The following PLEC variants were observed in gnomAD, a reference collection of about 807,000 sequenced individuals.
PLEC encodes plectin.
Under a neutral mutation model 392.8 loss-of-function variants are expected in PLEC, and 216 were observed. That is an observed-to-expected ratio of 0.55 (90% CI 0.49 to 0.62). PLEC has a LOEUF of 0.62. PLEC is among the 20% of genes least tolerant of loss of function. The pLI is 0.00. For missense variants in PLEC, 6,863 were observed against 6,563.4 expected (o/e 1.05, Z -1.58); for synonymous variants, 3,621 against 2,980.6 (o/e 1.21, Z -7.00).
rs1821103233 is a variant in PLEC at position 143,917,938 on chromosome 8, G to C, written c.11883C>G (p.Gly3961=). Residue 3961 remains glycine, a synonymous_variant, in exon 32 of 32, where the codon GGC becomes GGG. Coordinates refer to ENST00000345136, the MANE Select transcript of PLEC (RefSeq NM_201384.3). The part of the protein sequence containing the change: ...QAMKKGIIRP[G]TAFELLEAQA... The stretch of plus-strand genomic sequence containing the variant: ...GCGCCTCCAGGAGCTCAAAGGCTGT[G>C]CCGGGGCGGATGATGCCCTTCTTCA... 5 of 1,612,898 alleles carry C rather than the reference G, an allele frequency of 3.1e-6. No individual in the cohort carries two copies. In the South Asian group the frequency reaches 5.5e-5, roughly 18 times the overall value.
chr8:143,946,474 G>GA, intron 1 of PLEC: 1 of 1,079,200 alleles, frequency 9.3e-7, no homozygotes, highest in East Asian at 6.1e-5. Context: ...GGGAGGCAGA[G>GA]GGAGGGCCCA....
intron 1 of PLEC, among the ~76,000 whole-genome samples, chr8:143,949,942 G>T (rs1554734616): frequency 1.3e-5 from 2 of 152,044 alleles, no homozygotes; most frequent in African/African-American, 4.8e-5. Context: ...GGTGTGCCTG[G>T]GCCACAGGCT....
At position 143,925,502 on chromosome 8, in the gene PLEC, T is replaced by C. The variant is rs781831332; in HGVS notation, c.4427A>G (p.Gln1476Arg). ...CTCCTCCGCCCGTGCACGCAGTGCC[T>C]GCAGCTCCCCCTCAGCCCCGCCACG... is the stretch of plus-strand genomic sequence containing the variant. ...RQRGGAEGEL[Q>R]ALRARAEEAE... The change falls in exon 31 of 32, where the codon CAG becomes CGG. Residue 1476 changes from glutamine (Q) to arginine (R), a missense_variant. Transcript: ENST00000345136. 2 of 1,596,002 alleles carry C rather than the reference T, an allele frequency of 1.3e-6. No homozygotes were observed. Among genetic ancestry groups the C allele is most frequent in the Admixed American group, 3.3e-5 (2 of 59,890 alleles).
At chr8:143,933,964 C>T in intron 12 of PLEC, 34 bp downstream of exon 12, 1 of 1,558,444 alleles carries the variant, frequency 6.4e-7, no homozygotes, top group South Asian at 1.1e-5. Flanking sequence ...CTCCGGCCTC[C>T]CTCCCGCCCA....
rs2132116751 is a variant in PLEC at position 143,935,830 on chromosome 8, G to C, written c.602+18C>G. 2 of 1,612,240 alleles carry C rather than the reference G, an allele frequency of 1.2e-6. No individual in the cohort carries two copies. Among genetic ancestry groups the C allele is most frequent in the East Asian group, 4.5e-5 (2 of 44,878 alleles). On this transcript the variant is annotated intron_variant, in intron 6 of 31. Transcript: ENST00000345136. ...GGGTGCCCCCAGCCCACAGCCCCCT[G>C]CCCCCGGGGCCATGTACTTGTGCCG...
At chr8:143,933,877 C>T in intron 12 of PLEC, 121 bp downstream of exon 12, 1 of 811,758 alleles carries the variant, frequency 1.2e-6, no homozygotes, top group Non-Finnish European at 2.0e-6. Context: ...ATGCCCCGCC[C>T]CTGCCCCTGC....
Position 143,919,137 on chromosome 8 carries a change from C to G in PLEC, c.10684G>C (p.Glu3562Gln), listed in dbSNP as rs1705985021. The G allele has an allele frequency of 6.2e-7, 1 of 1,613,306 alleles. No individual in the cohort carries two copies. Among genetic ancestry groups the G allele is most frequent in the Non-Finnish European group, 8.5e-7 (1 of 1,180,046 alleles). ...GTCTCTTCAAATGCCCTTCTTGTCT[C>G]CTCCTCAGTGTACACCTGCGTGGTC... is the stretch of plus-strand genomic sequence containing the variant. ...VETTQVYTEE[E>Q]TRRAFEETQI... is the part of the protein sequence containing the mutation. Residue 3562 changes from glutamate to glutamine, a missense_variant, in exon 32 of 32, where the codon GAG (glutamate) becomes CAG (glutamine). Transcript: ENST00000345136.
chr8:143,950,669 C>T (rs1188314372), exon 1 of PLEC: 5 of 1,577,618 alleles, frequency 3.2e-6, no homozygotes, highest in Admixed American at 1.8e-5. Flanking sequence ...ATAGATGGCC[C>T]GCAGCTGGTC....
At position 143,927,851 on chromosome 8, in the gene PLEC, T is replaced by A; in HGVS notation, c.3399+3A>T. 1 of 1,591,328 alleles carries A rather than the reference T, an allele frequency of 6.3e-7. No individual in the cohort carries two copies. Among genetic ancestry groups the A allele is most frequent in the Non-Finnish European group, 8.6e-7 (1 of 1,169,502 alleles). On this transcript the variant is annotated splice_donor_region_variant and intron_variant, in intron 26 of 31. Transcript: ENST00000345136. ...CCATGAAGCCCAAGCCTCGAAACGA[T>A]ACCTTCAGAGAGGCCTTGGTGGCCT...
intron 18 of PLEC, 111 bp downstream of exon 18, chr8:143,931,826 G>A: frequency 1.4e-6 from 2 of 1,423,130 alleles, no homozygotes; most frequent in Non-Finnish European, 1.9e-6. Flanking sequence ...GCAGGCAGCA[G>A]CTGGCAACGT....
At position 143,929,611 on chromosome 8, in the gene PLEC, A is replaced by G. The variant is rs782166901; in HGVS notation, c.2923+35T>C. The stretch of plus-strand genomic sequence containing the variant: ...TGGGTCACTCCACCGCCCACCTCGC[A>G]CCAGCCCAACCGCCCCAGCCCTGCC... On this transcript the variant is annotated intron_variant, in intron 23 of 31. Coordinates refer to ENST00000345136, the MANE Select transcript of PLEC (RefSeq NM_201384.3). 3.7e-6 allele frequency: 6 copies of G among 1,609,458 alleles called. No homozygotes were observed. The Admixed American group carries it at 5.0e-5, about 13-fold the overall frequency.
chr8:143,929,368 G>A, intron 24 of PLEC, 46 bp downstream of exon 24: 1 of 1,570,154 alleles, frequency 6.4e-7, no homozygotes, highest in Non-Finnish European at 8.6e-7. Flanking sequence ...GGTGGGAGGA[G>A]GGATGGGGAG....
chr8:143,916,882 C>T lies in PLEC; in HGVS notation c.12939G>A (p.Glu4313=). 6.2e-6 allele frequency: 10 copies of T among 1,612,612 alleles called. No individual in the cohort carries two copies. The highest frequency in any genetic ancestry group is 8.5e-6 in the Non-Finnish European group (10 of 1,179,786). ...VDNITGQRLL[E]AQACTGGIID... is the part of the protein sequence containing the mutation. ...TGATGCCCCCGGTGCAGGCCTGCGC[C>T]TCCAGCAGCCGCTGCCCCGTGATGT... Residue 4313 remains glutamate, a synonymous_variant, in exon 32 of 32, where the codon GAG becomes GAA. Coordinates refer to ENST00000345136, the MANE Select transcript of PLEC (RefSeq NM_201384.3).
chr8:143,937,343 C>G (rs1367873153), intron 3 of PLEC, 101 bp from the exon 4 acceptor site: 1 of 861,078 alleles, frequency 1.2e-6, no homozygotes, highest in Admixed American at 1.9e-5. Flanking sequence ...AAGGGTCTTC[C>G]CCAGGGGGCA....
chr8:143,964,548 G>A (rs903728052), intron 1 of PLEC, among the ~76,000 whole-genome samples: 21 of 152,298 alleles, frequency 1.4e-4, no homozygotes, highest in Admixed American at 1.0e-3. Flanking sequence ...TGGAGCCTCC[G>A]AAGGAGCGTG....
chr8:143,931,669 C>T lies in PLEC; in HGVS notation c.2179-10G>A, dbSNP rs199830463. The T allele has an allele frequency of 3.3e-5, 53 of 1,596,076 alleles. No homozygotes were observed. The highest frequency in any genetic ancestry group is 2.5e-4 in the East Asian group (11 of 44,210). ...GCACATCTGAGAAGAACTGGGGCAG[C>T]GGGAGGGGGTCACGCCAGGCTACCT... On this transcript the variant is annotated splice_polypyrimidine_tract_variant and intron_variant, in intron 18 of 31. Transcript: ENST00000345136.
chr8:143,938,245 G>A lies in PLEC; in HGVS notation c.175-5C>T, dbSNP rs1554725259. Reference sequence around the variant, plus strand: ...GTCACTGATGTGCCTCTGGGCCTGTGGGGACAGCAGCGGCTGAGGTGGCCA... The same window carrying A: ...GTCACTGATGTGCCTCTGGGCCTGTAGGGACAGCAGCGGCTGAGGTGGCCA... On this transcript the variant is annotated splice_region_variant and splice_polypyrimidine_tract_variant and intron_variant, in intron 2 of 31. Coordinates refer to ENST00000345136, the MANE Select transcript of PLEC (RefSeq NM_201384.3). 3 of 1,592,244 alleles carry A rather than the reference G, an allele frequency of 1.9e-6. No homozygotes were observed. Among genetic ancestry groups the A allele is most frequent in the Admixed American group, 1.7e-5 (1 of 57,576 alleles).
upstream of PLEC, chr8:143,942,277 G>C: frequency 1.5e-6 from 2 of 1,294,214 alleles, no homozygotes; most frequent in Non-Finnish European, 1.1e-6. Flanking sequence ...GCTGCACCGG[G>C]CCAAGGCGCC....
In PLEC at chr8:143,917,118, T is replaced by C. The variant is rs782479828; in HGVS notation, c.12703A>G (p.Met4235Val). The C allele has an allele frequency of 3.2e-5, 52 of 1,604,024 alleles. No individual in the cohort carries two copies. The highest frequency in any genetic ancestry group is 5.0e-5 in the Admixed American group (3 of 59,860). The change falls in exon 32 of 32, where the codon ATG (methionine) becomes GTG (valine). Residue 4235 changes from methionine (M) to valine (V), a missense_variant. Coordinates refer to ENST00000345136, the MANE Select transcript of PLEC (RefSeq NM_201384.3). ...GTLSITEFAD[M>V]LSGNAGGFRS... ...AAACCACCGGCGTTGCCCGAGAGCA[T>C]GTCGGCGAACTCGGTGATGGAGAGC...
Sources: allele counts gnomAD v4.1 joint callset (sites outside exome capture counted in the v4.1 genomes callset), GRCh38; gene constraint gnomAD v4.1.1; transcripts MANE v1.5; gene names NCBI Gene and HGNC (gene_info 2026-07-23, HGNC 2026-07-21).